Variants in ADGRB3 observed in about 807,000 individuals in gnomAD.
The protein encoded by ADGRB3 is adhesion G protein-coupled receptor B3.
Under a neutral mutation model 193.4 loss-of-function variants are expected in ADGRB3, and 37 were observed. That is an observed-to-expected ratio of 0.19 (90% CI 0.15 to 0.25). The LOEUF (loss-of-function observed/expected upper bound fraction) is 0.25, where lower values mean the gene tolerates loss of function less well. Among genes scored for constraint, ADGRB3 ranks in the 10% least tolerant of loss-of-function variants. ADGRB3 has a pLI of 1.00. For synonymous variants in ADGRB3, 690 were observed against 644.2 expected (o/e 1.07, Z -1.08); for missense variants, 1,637 against 1,852.9 (o/e 0.88, Z 2.14).
chr6:68,703,263 A>G (rs1765272457), intron 3 of ADGRB3, among the ~76,000 whole-genome samples: 2 of 152,186 alleles, frequency 1.3e-5, no homozygotes, highest in South Asian at 4.1e-4. Context: ...AATAATTTAG[A>G]GTTATAAATT....
At chr6:68,792,399 T>G (rs1767123969) in intron 3 of ADGRB3, among the ~76,000 whole-genome samples, 1 of 152,200 alleles carries the variant, frequency 6.6e-6, no homozygotes, top group Non-Finnish European at 1.5e-5. Flanking sequence ...TGCTTGGCCT[T>G]GTTTCAGGGC....
intron 3 of ADGRB3, among the ~76,000 whole-genome samples, chr6:68,688,929 A>G (rs1561995120): frequency 6.6e-6 from 1 of 151,964 alleles, no homozygotes; most frequent in Admixed American, 6.6e-5. Context: ...ATCATTTCTT[A>G]TTTTACTCTG....
Position 68,674,143 on chromosome 6 carries a change from T to G in ADGRB3, c.757+34711T>G, listed in dbSNP as rs919257557. Among the ~76,000 whole-genome samples the G allele has an allele frequency of 2.6e-5, 4 of 152,142 alleles. No homozygotes were observed. The East Asian group carries it at 7.7e-4, about 29-fold the overall frequency. On this transcript the variant is annotated intron_variant, in intron 3 of 31. Transcript: ENST00000370598. ...TTAAGACACTATACTAGAGGCAATT[T>G]ATCTGAGGCTGTCTGAGTGGTTGGC... is the stretch of plus-strand genomic sequence containing the variant.
At chr6:68,639,913 G>A (rs962797803) in intron 3 of ADGRB3, among the ~76,000 whole-genome samples, 2 of 152,070 alleles carry the variant, frequency 1.3e-5, no homozygotes, top group Non-Finnish European at 2.9e-5. Context: ...TGATCTTGGG[G>A]CATCTTGACT....
chr6:68,840,321 A>G lies in ADGRB3; in HGVS notation c.758-90238A>G, dbSNP rs577354257. On this transcript the variant is annotated intron_variant, in intron 3 of 31. Coordinates refer to ENST00000370598, the MANE Select transcript of ADGRB3 (RefSeq NM_001704.3). ...AAGAGGACTTTGTCTTGCAACTTAG[A>G]TACTACATCAGGCCACAGTGGGGCA... 3.5e-5 allele frequency among the ~76,000 whole-genome samples: 5 copies of G among 143,958 alleles called. No homozygotes were observed. The South Asian group carries it at 6.9e-4, about 20-fold the overall frequency. The allele number at this position is 143,958 out of a possible 152,430, so 94.4% of individuals were successfully genotyped here.
At chr6:68,715,141 GA>G (rs1432160718) in intron 3 of ADGRB3, among the ~76,000 whole-genome samples, 1 of 151,658 alleles carries the variant, frequency 6.6e-6, no homozygotes, top group Non-Finnish European at 1.5e-5. Context: ...AGTCTGATAA[GA>G]AAATAATTGG....
chr6:69,048,238 C>T lies in ADGRB3; in HGVS notation c.2161C>T (p.Pro721Ser). 6.2e-7 allele frequency: 1 copy of T among 1,613,626 alleles called. No individual in the cohort carries two copies. Residue 721 changes from proline to serine, a missense_variant, in exon 14 of 32, where the codon CCA (proline) becomes TCA (serine). By Grantham distance (74) the Pro-to-Ser change is moderately conservative. Coordinates refer to ENST00000370598, the MANE Select transcript of ADGRB3 (RefSeq NM_001704.3). ...AASVLTDINF[P>S]MKGRKGMVDW... Reference sequence around the variant, plus strand: ...CTCTGTTCTAACAGACATCAACTTTCCAATGAAAGGACGGAAGGGAATGGT... The same window carrying T: ...CTCTGTTCTAACAGACATCAACTTTTCAATGAAAGGACGGAAGGGAATGGT...
At chr6:68,964,638 A>C (rs2150260218) in intron 8 of ADGRB3, among the ~76,000 whole-genome samples, 1 of 152,300 alleles carries the variant, frequency 6.6e-6, no homozygotes, top group Non-Finnish European at 1.5e-5. Context: ...TATTCCTCAA[A>C]GTTAGTTAGC....
At chr6:69,221,230 G>A (rs540843679) in intron 17 of ADGRB3, among the ~76,000 whole-genome samples, 17 of 152,126 alleles carry the variant, frequency 1.1e-4, no homozygotes, top group South Asian at 4.2e-4. Context: ...CTACCCATAC[G>A]TTCATAAAAG....
At chr6:68,741,131 A>G (rs549668475) in intron 3 of ADGRB3, among the ~76,000 whole-genome samples, 1 of 152,300 alleles carries the variant, frequency 6.6e-6, no homozygotes, top group Non-Finnish European at 1.5e-5. Flanking sequence ...GCATGGACAC[A>G]AAATGGTGTA....
chr6:68,939,448 A>T (rs1321244843), intron 5 of ADGRB3, among the ~76,000 whole-genome samples: 2 of 152,126 alleles, frequency 1.3e-5, no homozygotes, highest in Non-Finnish European at 2.9e-5. Context: ...TTTCCTTCTA[A>T]ATTTGATTAA....
chr6:68,954,485 AT>A (rs1338672038), intron 6 of ADGRB3, among the ~76,000 whole-genome samples: 1 of 151,722 alleles, frequency 6.6e-6, no homozygotes, highest in East Asian at 1.9e-4. Context: ...CTCTCTTTGC[AT>A]CAGCTCCCAT....
chr6:68,872,893 G>A (rs997279487), intron 3 of ADGRB3, among the ~76,000 whole-genome samples: 4 of 152,088 alleles, frequency 2.6e-5, no homozygotes, highest in African/African-American at 9.7e-5. Flanking sequence ...AAATTTTAAT[G>A]TATTTTTTTG....
chr6:68,750,986 C>T (rs536312962), intron 3 of ADGRB3, among the ~76,000 whole-genome samples: 1 of 152,174 alleles, frequency 6.6e-6, no homozygotes, highest in Admixed American at 6.5e-5. Context: ...CCTATTGTTC[C>T]ACTCTTCTGG....
At chr6:69,327,753 T>C (rs1303527599) in intron 21 of ADGRB3, 67 bp from the exon 22 acceptor site, 50 of 1,405,844 alleles carry the variant, frequency 3.6e-5, no homozygotes, top group Non-Finnish European at 4.3e-5. Context: ...TTGTTCTGGC[T>C]TTTCTTAGAC....
intron 31 of ADGRB3, among the ~76,000 whole-genome samples, chr6:69,385,584 T>G (rs922211248): frequency 6.6e-6 from 1 of 152,124 alleles, no homozygotes; most frequent in African/African-American, 2.4e-5. Context: ...TTTATGATGT[T>G]TTAGCCTTTA....
At chr6:68,889,872 A>T (rs751738358) in intron 3 of ADGRB3, among the ~76,000 whole-genome samples, 2 of 152,164 alleles carry the variant, frequency 1.3e-5, no homozygotes, top group East Asian at 3.8e-4. Context: ...TGCAAGATTA[A>T]CCAAAAATTG....
At chr6:68,747,593 T>C (rs1766109496) in intron 3 of ADGRB3, among the ~76,000 whole-genome samples, 2 of 152,318 alleles carry the variant, frequency 1.3e-5, no homozygotes, top group South Asian at 2.1e-4. Flanking sequence ...CTAAGTACTT[T>C]AAGTGGAATC....
intron 3 of ADGRB3, among the ~76,000 whole-genome samples, chr6:68,808,341 A>G (rs2177448): frequency 0.7 from 105,830 of 151,836 alleles, 37,380 homozygotes; most frequent in Middle Eastern, 0.87. Flanking sequence ...CTCAGATACC[A>G]TCGGAACAGT....
Sources: allele counts gnomAD v4.1 joint callset (sites outside exome capture counted in the v4.1 genomes callset), GRCh38; gene constraint gnomAD v4.1.1; transcripts MANE v1.5; gene names NCBI Gene and HGNC (gene_info 2026-07-23, HGNC 2026-07-21).